RASAL2: variants seen among roughly 807,000 people sequenced by gnomAD.
RASAL2 encodes RAS protein activator like 2.
RASAL2 carries 58 observed loss-of-function variants against 128.9 expected under a neutral mutation model. The ratio of observed to expected loss-of-function variants is 0.45; its 90% CI spans 0.36 to 0.56. The LOEUF (loss-of-function observed/expected upper bound fraction) is 0.56, where lower values mean the gene tolerates loss of function less well. Ranked by LOEUF, RASAL2 falls within the 20% of genes least tolerant of loss-of-function variation. The probability of loss-of-function intolerance (pLI) is 0.00; values close to 1 mark genes in which losing one functional copy is unlikely to be tolerated. For missense variants in RASAL2, 1,360 were observed against 1,601.6 expected, an observed-to-expected ratio of 0.85 and a Z score of 2.57; for synonymous variants, 561 against 580.8, an observed-to-expected ratio of 0.97 and a Z score of 0.49.
intron 3 of RASAL2, among the ~76,000 whole-genome samples, chr1:178,318,251 GA>G (rs1223837584): frequency 6.8e-6 from 1 of 148,060 alleles, no homozygotes; most frequent in Non-Finnish European, 1.5e-5. Context: ...GTGTGGTGCT[GA>G]AAAAAATGTA....
At chr1:178,195,562 C>CTT in intron 1 of RASAL2, among the ~76,000 whole-genome samples, 1 of 152,074 alleles carries the variant, frequency 6.6e-6, no homozygotes, top group East Asian at 1.9e-4. Flanking sequence ...ATTTATAAAA[C>CTT]CTACCTCGTA....
At position 178,395,787 on chromosome 1, in the gene RASAL2, ATATATT is replaced by A. The variant is rs967659235; in HGVS notation, c.564+5585_564+5590del. On this transcript the variant is annotated intron_variant, in intron 4 of 17. Transcript: ENST00000367649. ...TAATGAACAGTATATATATATATAT[ATATATT>A]TATTTATTCATATGTGTATGAATGT... Among the ~76,000 whole-genome samples, 61 of 146,698 alleles carry A rather than the reference ATATATT, an allele frequency of 4.2e-4. 4 individuals carry two copies. Among genetic ancestry groups the A allele is most frequent in the African/African-American group, 8.0e-4 (31 of 38,720 alleles).
At chr1:178,232,075 G>T (rs1281767838) in intron 1 of RASAL2, among the ~76,000 whole-genome samples, 1 of 152,144 alleles carries the variant, frequency 6.6e-6, no homozygotes, top group Non-Finnish European at 1.5e-5. Flanking sequence ...CAAATAAGTG[G>T]ATAGTTTTTT....
At chr1:178,353,002 C>T (rs1018920732) in intron 3 of RASAL2, among the ~76,000 whole-genome samples, 4 of 152,234 alleles carry the variant, frequency 2.6e-5, no homozygotes, top group Admixed American at 2.0e-4. Context: ...CTTGGGCTTA[C>T]AGGCCTGTGA....
At chr1:178,461,920 A>G (rs1348170532) in intron 14 of RASAL2, among the ~76,000 whole-genome samples, 1 of 152,256 alleles carries the variant, frequency 6.6e-6, no homozygotes, top group Admixed American at 6.5e-5. Flanking sequence ...GATTAATTGT[A>G]GTATCAGTGA....
Position 178,473,565 on chromosome 1 carries a change from T to C in RASAL2, c.*326T>C, listed in dbSNP as rs1648470686. The stretch of plus-strand genomic sequence containing the variant: ...TATTTTTATTATTGTTTTCCTCTTG[T>C]TGAAAGCACTGCAGTTGTTACAGGA... On this transcript the variant is annotated 3_prime_UTR_variant, in exon 18 of 18. Transcript: ENST00000367649. The C allele has an allele frequency of 3.2e-6, 1 of 315,588 alleles. No homozygotes were observed. The highest frequency in any genetic ancestry group is 3.6e-5 in the South Asian group (1 of 27,628). 19.5% of individuals were successfully genotyped at this position (315,588 alleles called of 1,614,324 possible).
intron 1 of RASAL2, among the ~76,000 whole-genome samples, chr1:178,257,203 C>A (rs1665399303): frequency 6.6e-6 from 1 of 152,124 alleles, no homozygotes; most frequent in Non-Finnish European, 1.5e-5. Context: ...ACAATACTCA[C>A]AAAATGGTCC....
intron 3 of RASAL2, among the ~76,000 whole-genome samples, chr1:178,302,360 A>G (rs533415851): frequency 1.7e-4 from 26 of 152,344 alleles, no homozygotes; most frequent in African/African-American, 5.3e-4. Flanking sequence ...TCTATATACT[A>G]GCAATAAACA....
chr1:178,445,875 C>T (rs564950312), intron 9 of RASAL2, among the ~76,000 whole-genome samples: 2 of 152,148 alleles, frequency 1.3e-5, no homozygotes, highest in Non-Finnish European at 1.5e-5. Flanking sequence ...TCAGCATACA[C>T]TGCTACCCCA....
At chr1:178,199,700 C>G (rs191641348) in intron 1 of RASAL2, among the ~76,000 whole-genome samples, 8 of 151,554 alleles carry the variant, frequency 5.3e-5, no homozygotes, top group Non-Finnish European at 1.5e-5. Context: ...TTTTTGGAGA[C>G]AAAAATGTTA....
At chr1:178,293,031 G>C (rs1213964341) in intron 2 of RASAL2, among the ~76,000 whole-genome samples, 1 of 151,980 alleles carries the variant, frequency 6.6e-6, no homozygotes, top group Non-Finnish European at 1.5e-5. Context: ...AAAATTAACT[G>C]GTATTTATTC....
intron 8 of RASAL2, among the ~76,000 whole-genome samples, chr1:178,444,141 A>G (rs1676843374): frequency 6.6e-6 from 1 of 152,120 alleles, no homozygotes; most frequent in Non-Finnish European, 1.5e-5. Context: ...TGTCACTGAA[A>G]TTTTGAATTG....
intron 1 of RASAL2, among the ~76,000 whole-genome samples, chr1:178,128,552 A>G (rs906781306): frequency 7.2e-5 from 11 of 152,144 alleles, no homozygotes; most frequent in African/African-American, 2.4e-4. Context: ...GGTGTAATTT[A>G]TGTACATAAA....
chr1:178,422,961 A>T (rs374748268), intron 5 of RASAL2, among the ~76,000 whole-genome samples: 1 of 152,226 alleles, frequency 6.6e-6, no homozygotes, highest in African/African-American at 2.4e-5. Flanking sequence ...TCCCCACATA[A>T]ATAACCTTAT....
At chr1:178,145,063 C>A (rs1660672992) in intron 1 of RASAL2, among the ~76,000 whole-genome samples, 1 of 151,960 alleles carries the variant, frequency 6.6e-6, no homozygotes, top group African/African-American at 2.4e-5. Flanking sequence ...TTTTTCATGT[C>A]AAAATTACCA....
chr1:178,273,856 A>G (rs769612023), intron 1 of RASAL2, among the ~76,000 whole-genome samples: 4 of 152,192 alleles, frequency 2.6e-5, no homozygotes, highest in African/African-American at 4.8e-5. Context: ...ACTTGAGGTC[A>G]GTGGTTTTTC....
At chr1:178,272,358 A>G (rs1666301102) in intron 1 of RASAL2, among the ~76,000 whole-genome samples, 1 of 152,216 alleles carries the variant, frequency 6.6e-6, no homozygotes, top group African/African-American at 2.4e-5. Flanking sequence ...AAATAATTAT[A>G]TAATTCTCAG....
intron 1 of RASAL2, among the ~76,000 whole-genome samples, chr1:178,167,101 A>T (rs1334908307): frequency 6.6e-6 from 1 of 152,134 alleles, no homozygotes; most frequent in Non-Finnish European, 1.5e-5. Flanking sequence ...CTCCTGTAAC[A>T]AGATCTGGCA....
chr1:178,443,185 G>T lies in RASAL2; in HGVS notation c.1438G>T (p.Ala480Ser), dbSNP rs768684493. ...VISVRNKEELACALVHILQST... is the reference protein window; with the variant it reads ...VISVRNKEELSCALVHILQST... Reference sequence around the variant, plus strand: ...TAGTGTGAGAAATAAAGAGGAGTTGGCTTGTGCCTTAGTGCACATTCTTCA... The same window carrying T: ...TAGTGTGAGAAATAAAGAGGAGTTGTCTTGTGCCTTAGTGCACATTCTTCA... The change falls in exon 8 of 18, where the codon GCT (alanine) becomes TCT (serine). Residue 480 changes from alanine (A) to serine (S), a missense_variant. By Grantham distance (99) the Ala-to-Ser change is moderately conservative (BLOSUM62 1). This residue lies in a region of RASAL2 where 617 missense variants were observed against 714.2 expected (regional missense o/e 0.86). Coordinates refer to ENST00000367649, the MANE Select transcript of RASAL2 (RefSeq NM_170692.4). 105 of 1,613,394 alleles carry T rather than the reference G, an allele frequency of 6.5e-5. 2 individuals carry two copies. In the South Asian group the frequency reaches 9.8e-4, roughly 15 times the overall value.
Sources: allele counts gnomAD v4.1 joint callset (sites outside exome capture counted in the v4.1 genomes callset), GRCh38; gene constraint gnomAD v4.1.1; regional missense constraint gnomAD v4.1.1; transcripts MANE v1.5; gene names NCBI Gene and HGNC (gene_info 2026-07-23, HGNC 2026-07-21).